PRRX1: variants seen among roughly 807,000 people sequenced by gnomAD.
PRRX1 encodes paired mesoderm homeobox protein 1.
In PRRX1, 8 loss-of-function variants were observed where a neutral mutation model predicts 24.0. That is an observed-to-expected ratio of 0.33 (90% confidence interval 0.20 to 0.60). The LOEUF is 0.60. Ranked by LOEUF, PRRX1 falls within the 20% of genes least tolerant of loss-of-function variation. The pLI is 0.82. For missense variants in PRRX1, 281 were observed against 322.4 expected (o/e 0.87, Z 0.98); for synonymous variants, 160 against 131.7 (o/e 1.22, Z -1.47).
upstream of PRRX1, chr1:170,663,041 T>A (rs1484894575): frequency 6.6e-6 from 1 of 151,954 alleles, no homozygotes; most frequent in Non-Finnish European, 1.5e-5. Flanking sequence ...CTCTTCTCTC[T>A]TTCTCTCTCT....
intron 2 of PRRX1, among the ~76,000 whole-genome samples, chr1:170,723,847 G>A (rs779970720): frequency 6.6e-6 from 1 of 152,160 alleles, no homozygotes; most frequent in Non-Finnish European, 1.5e-5. Flanking sequence ...TAGTGTAGGC[G>A]ATTGTAATAC....
At chr1:170,681,560 A>T (rs1036355261) in intron 1 of PRRX1, among the ~76,000 whole-genome samples, 1 of 152,026 alleles carries the variant, frequency 6.6e-6, no homozygotes, top group African/African-American at 2.4e-5. Context: ...ATCTGAAGTC[A>T]ATTACAGGGC....
In PRRX1 at chr1:170,736,635, C is replaced by T. The variant is rs986957684; in HGVS notation, c.*449C>T. On this transcript the variant is annotated 3_prime_UTR_variant, in exon 4 of 4. Coordinates refer to ENST00000239461, the MANE Select transcript of PRRX1 (RefSeq NM_022716.4). ...GAACCTTAGTGCCTTACCCTGTCCT[C>T]TTCCCAGTTCTCTTTATAGAAGCTC... 3 of 203,830 alleles carry T rather than the reference C, an allele frequency of 1.5e-5. No homozygotes were observed. The highest frequency in any genetic ancestry group is 5.7e-5 in the Admixed American group (1 of 17,562). The allele number at this position is 203,830 out of a possible 1,614,324, so 12.6% of individuals were successfully genotyped here. A position where few individuals can be genotyped will look rare whatever the true frequency, so the allele number is the denominator to read the frequency against.
chr1:170,706,105 A>G (rs1424563420), intron 1 of PRRX1, among the ~76,000 whole-genome samples: 1 of 152,230 alleles, frequency 6.6e-6, no homozygotes, highest in Non-Finnish European at 1.5e-5. Context: ...TCTGAACATT[A>G]TCTTTAAAAG....
chr1:170,718,713 G>A (rs1413474819), intron 1 of PRRX1, among the ~76,000 whole-genome samples: 1 of 152,172 alleles, frequency 6.6e-6, no homozygotes, highest in Non-Finnish European at 1.5e-5. Flanking sequence ...GACCTACACA[G>A]GCTCTGCAGA....
intron 2 of PRRX1, among the ~76,000 whole-genome samples, chr1:170,725,025 T>G (rs1655210599): frequency 6.6e-6 from 1 of 152,188 alleles, no homozygotes; most frequent in Admixed American, 6.5e-5. Context: ...CCCAGGTTTT[T>G]TATTCTCTTT....
At chr1:170,666,661 G>A (rs1652944859) in intron 1 of PRRX1, among the ~76,000 whole-genome samples, 1 of 152,140 alleles carries the variant, frequency 6.6e-6, no homozygotes, top group Non-Finnish European at 1.5e-5. Context: ...GAGGAGGCTG[G>A]AGGATGAGAA....
intron 1 of PRRX1, among the ~76,000 whole-genome samples, chr1:170,705,969 A>ACACACACAC (rs1553253698): frequency 2.5e-5 from 3 of 121,390 alleles, no homozygotes; most frequent in African/African-American, 5.9e-5. Flanking sequence ...CACACACACA[A>ACACACACAC]ACATTTTATG....
At chr1:170,666,894 G>C (rs1479181972) in intron 1 of PRRX1, among the ~76,000 whole-genome samples, 1 of 152,004 alleles carries the variant, frequency 6.6e-6, no homozygotes, top group Non-Finnish European at 1.5e-5. Flanking sequence ...GAGCAGATTC[G>C]GAGGCGACGC....
At chr1:170,728,496 G>A (rs954980657) in intron 3 of PRRX1, 11 of 151,922 alleles carry the variant, frequency 7.2e-5, no homozygotes, top group Non-Finnish European at 1.5e-4. Flanking sequence ...ATATTATTTT[G>A]TATTCTGCTC....
rs147530078 is a variant in PRRX1 at position 170,693,043 on chromosome 1, C to T, written c.242-26683C>T. ...CCAACCCAACCTTCAATTTATTCCA[C>T]TTAGGCTAGTCACAGCATTTTTCCC... On this transcript the variant is annotated intron_variant, in intron 1 of 3. Coordinates refer to ENST00000239461, the MANE Select transcript of PRRX1 (RefSeq NM_022716.4). Among the ~76,000 whole-genome samples the T allele has an allele frequency of 6.2e-4, 95 of 152,160 alleles. No individual in the cohort carries two copies. The East Asian group carries it at 0.016, about 26-fold the overall frequency.
intron 1 of PRRX1, among the ~76,000 whole-genome samples, chr1:170,697,036 G>T (rs1229942099): frequency 6.6e-6 from 1 of 152,100 alleles, no homozygotes; most frequent in South Asian, 2.1e-4. Flanking sequence ...CAGACCAAAC[G>T]TGAAGGAACA....
chr1:170,663,019 C>T (rs1432408217), upstream of PRRX1: 2 of 151,616 alleles, frequency 1.3e-5, no homozygotes, highest in Non-Finnish European at 2.9e-5. Context: ...TGCTCTCTTC[C>T]CTCTCTCATT....
chr1:170,712,335 C>A (rs563379215), intron 1 of PRRX1, among the ~76,000 whole-genome samples: 2 of 152,130 alleles, frequency 1.3e-5, no homozygotes, highest in Non-Finnish European at 2.9e-5. Flanking sequence ...AATTTTGAGT[C>A]TACCCTATAT....
At chr1:170,685,773 G>A (rs1467951432) in intron 1 of PRRX1, among the ~76,000 whole-genome samples, 1 of 152,034 alleles carries the variant, frequency 6.6e-6, no homozygotes, top group Non-Finnish European at 1.5e-5. Flanking sequence ...TATAATAAGA[G>A]GGTAACAAGC....
At chr1:170,707,475 C>T (rs903581266) in intron 1 of PRRX1, among the ~76,000 whole-genome samples, 3 of 152,158 alleles carry the variant, frequency 2.0e-5, no homozygotes, top group African/African-American at 7.2e-5. Context: ...ACCATGCACA[C>T]ATCTTCTTTA....
chr1:170,703,601 T>C (rs1027274270), intron 1 of PRRX1, among the ~76,000 whole-genome samples: 1 of 152,202 alleles, frequency 6.6e-6, no homozygotes, highest in Non-Finnish European at 1.5e-5. Context: ...ATAGTGTTTT[T>C]TTTTTAAGTC....
At chr1:170,702,298 A>G (rs1654411958) in intron 1 of PRRX1, among the ~76,000 whole-genome samples, 1 of 152,162 alleles carries the variant, frequency 6.6e-6, no homozygotes, top group Non-Finnish European at 1.5e-5. Context: ...CTAGAACACT[A>G]GTTGGAACTA....
intron 1 of PRRX1, among the ~76,000 whole-genome samples, chr1:170,671,016 T>C (rs138961268): frequency 1.3e-5 from 2 of 152,266 alleles, no homozygotes; most frequent in East Asian, 3.9e-4. Flanking sequence ...GGGGCTTATT[T>C]TTACCATCAT....
Sources: gnomAD v4.1 joint callset for allele counts (sites outside exome capture counted in the v4.1 genomes callset) on GRCh38, gnomAD v4.1.1 for gene constraint, MANE v1.5 for transcripts, NCBI Gene and HGNC (gene_info 2026-07-23, HGNC 2026-07-21) for gene names.